Variants in ADAMTS12 observed in about 807,000 individuals in gnomAD.
The protein encoded by ADAMTS12 is ADAM metallopeptidase with thrombospondin type 1 motif 12.
Under a neutral mutation model 167.8 loss-of-function variants are expected in ADAMTS12, and 118 were observed. That is an observed-to-expected ratio of 0.70 (90% CI 0.61 to 0.82). The LOEUF (loss-of-function observed/expected upper bound fraction) is 0.82. ADAMTS12 is among the 40% of genes least tolerant of loss of function. The pLI is 0.00. For synonymous variants in ADAMTS12, 704 were observed against 716.9 expected (o/e 0.98, Z 0.29); for missense variants, 1,916 against 1,998.8 (o/e 0.96, Z 0.79).
intron 18 of ADAMTS12, 56 bp from the exon 19 acceptor site, chr5:33,577,216 G>A: frequency 1.2e-6 from 2 of 1,610,384 alleles, no homozygotes; most frequent in Non-Finnish European, 8.5e-7. Context: ...TATTCTCATG[G>A]TTAGGTCTAT....
chr5:33,858,180 C>G (rs1196370652), intron 2 of ADAMTS12, among the ~76,000 whole-genome samples: 2 of 152,150 alleles, frequency 1.3e-5, no homozygotes, highest in Non-Finnish European at 2.9e-5. Context: ...AGAAAGATAA[C>G]AGGAAAACCT....
chr5:33,864,759 T>A (rs1005456168), intron 2 of ADAMTS12, among the ~76,000 whole-genome samples: 2 of 152,176 alleles, frequency 1.3e-5, no homozygotes. Flanking sequence ...AAACACCGCA[T>A]GTTCTCACTC....
chr5:33,796,646 G>T (rs894513607), intron 2 of ADAMTS12, among the ~76,000 whole-genome samples: 8 of 152,110 alleles, frequency 5.3e-5, no homozygotes, highest in African/African-American at 1.9e-4. Context: ...GTCACTTCCA[G>T]GCCAGACCAT....
At chr5:33,849,575 ATTG>A (rs1749128718) in intron 2 of ADAMTS12, among the ~76,000 whole-genome samples, 1 of 95,372 alleles carries the variant, frequency 1.0e-5, no homozygotes, top group Admixed American at 1.2e-4. Flanking sequence ...ACACATGTGT[ATTG>A]CATAGCAATA....
At chr5:33,672,968 G>A (rs1561207128) in intron 5 of ADAMTS12, among the ~76,000 whole-genome samples, 1 of 152,124 alleles carries the variant, frequency 6.6e-6, no homozygotes, top group Non-Finnish European at 1.5e-5. Context: ...TAGGACTACT[G>A]GTTTCCAAAC....
intron 2 of ADAMTS12, among the ~76,000 whole-genome samples, chr5:33,823,912 G>T (rs1426710774): frequency 6.6e-6 from 1 of 152,032 alleles, no homozygotes; most frequent in East Asian, 1.9e-4. Flanking sequence ...AATAATTGAT[G>T]AATATGTTGG....
chr5:33,624,388 A>T, intron 13 of ADAMTS12, 37 bp from the exon 14 acceptor site: 1 of 1,613,008 alleles, frequency 6.2e-7, no homozygotes, highest in Non-Finnish European at 8.5e-7. Flanking sequence ...ATGCCCAGGC[A>T]GGGGATGCCA....
chr5:33,621,324 C>G (rs1739316100), intron 14 of ADAMTS12, among the ~76,000 whole-genome samples: 1 of 150,002 alleles, frequency 6.7e-6, no homozygotes, highest in Non-Finnish European at 1.5e-5. Context: ...TGCTTGAACC[C>G]AGGAGGCAGA....
At chr5:33,816,978 T>C (rs895365) in intron 2 of ADAMTS12, among the ~76,000 whole-genome samples, 92,846 of 151,436 alleles carry the variant, frequency 0.61, 28,963 homozygotes, top group Non-Finnish European at 0.65. Context: ...TAGTTTACGG[T>C]GCTTCCTCTC....
chr5:33,658,441 G>A, intron 6 of ADAMTS12, 108 bp from the exon 7 acceptor site: 1 of 1,310,498 alleles, frequency 7.6e-7, no homozygotes, highest in Non-Finnish European at 1.0e-6. Context: ...TGTAAAGTAT[G>A]CTTGGCATTT....
chr5:33,537,169 G>A (rs778932166), intron 22 of ADAMTS12, among the ~76,000 whole-genome samples: 8 of 152,280 alleles, frequency 5.3e-5, no homozygotes, highest in Non-Finnish European at 7.3e-5. Context: ...ACTATTTATT[G>A]GGTGCCAACA....
At chr5:33,747,300 G>A (rs1321941793) in intron 3 of ADAMTS12, among the ~76,000 whole-genome samples, 1 of 151,976 alleles carries the variant, frequency 6.6e-6, no homozygotes, top group African/African-American at 2.4e-5. Flanking sequence ...ATAGATTTAG[G>A]GCCCATAGAT....
chr5:33,864,916 C>A (rs1036772200), intron 2 of ADAMTS12, among the ~76,000 whole-genome samples: 1 of 151,960 alleles, frequency 6.6e-6, no homozygotes, highest in African/African-American at 2.4e-5. Flanking sequence ...TGCAGCAAAC[C>A]ACCATGGCCC....
At chr5:33,665,315 A>G (rs1314206368) in intron 5 of ADAMTS12, among the ~76,000 whole-genome samples, 1 of 152,202 alleles carries the variant, frequency 6.6e-6, no homozygotes, top group African/African-American at 2.4e-5. Context: ...GATCTATTGT[A>G]CAACATGGTG....
At chr5:33,749,253 C>T (rs1184253196) in intron 3 of ADAMTS12, among the ~76,000 whole-genome samples, 1 of 152,036 alleles carries the variant, frequency 6.6e-6, no homozygotes, top group Admixed American at 6.6e-5. Context: ...ATTGATGAAA[C>T]AAGGTGTATA....
chr5:33,835,977 G>A (rs1748510910), intron 2 of ADAMTS12, among the ~76,000 whole-genome samples: 1 of 139,818 alleles, frequency 7.2e-6, no homozygotes, highest in African/African-American at 2.9e-5. Flanking sequence ...GTGTCCATCT[G>A]GGCAGTTTAT....
chr5:33,782,692 G>C (rs1746177805), intron 2 of ADAMTS12, among the ~76,000 whole-genome samples: 1 of 151,908 alleles, frequency 6.6e-6, no homozygotes, highest in Non-Finnish European at 1.5e-5. Context: ...GAGAAAAATT[G>C]AGACATTTCA....
chr5:33,766,173 A>G (rs1378953420), intron 2 of ADAMTS12, among the ~76,000 whole-genome samples: 5 of 152,170 alleles, frequency 3.3e-5, no homozygotes, highest in Non-Finnish European at 7.4e-5. Flanking sequence ...GAGAAGGAAA[A>G]AAGTTACTTT....
rs117064457 is a variant in ADAMTS12, at chr5:33,657,214, A to G, written c.1190+970T>C. Among the ~76,000 whole-genome samples, 55 of 152,330 alleles carry G rather than the reference A, an allele frequency of 3.6e-4. No individual in the cohort carries two copies. The East Asian group carries it at 9.1e-3, about 25-fold the overall frequency. On this transcript the variant is annotated intron_variant, in intron 7 of 23. Transcript: ENST00000504830. ...CAAATGTTATATTAGAAAAATGGTG[A>G]GCAAGCTGAAACTGGAGAGGCCAGG...
Sources: gnomAD v4.1 joint callset for allele counts (sites outside exome capture counted in the v4.1 genomes callset) on GRCh38, gnomAD v4.1.1 for gene constraint, MANE v1.5 for transcripts, NCBI Gene and HGNC (gene_info 2026-07-23, HGNC 2026-07-21) for gene names.